Variants in ADAMTS9 observed in about 807,000 individuals in gnomAD.
ADAMTS9 encodes the protein A disintegrin and metalloproteinase with thrombospondin motifs 9.
ADAMTS9 carries 107 observed loss-of-function variants against 257.1 expected under a neutral mutation model. The ratio of observed to expected loss-of-function variants is 0.42; its 90% CI spans 0.36 to 0.49. The LOEUF is 0.49. ADAMTS9 is among the 20% of genes least tolerant of loss of function. The probability of loss-of-function intolerance (pLI) is 0.03; values close to 1 mark genes in which losing one functional copy is unlikely to be tolerated. For missense variants in ADAMTS9, 2,353 were observed against 2,469.1 expected, an observed-to-expected ratio of 0.95 and a Z score of 1.00; for synonymous variants, 982 against 880.9, an observed-to-expected ratio of 1.11 and a Z score of -2.03.
At chr3:64,574,688 G>A (rs2083788865) in intron 28 of ADAMTS9, among the ~76,000 whole-genome samples, 1 of 151,570 alleles carries the variant, frequency 6.6e-6, no homozygotes. Flanking sequence ...CTATGACTGT[G>A]CTACTGCACT....
chr3:64,605,578 G>T (rs1427000843), intron 23 of ADAMTS9, among the ~76,000 whole-genome samples: 3 of 152,246 alleles, frequency 2.0e-5, no homozygotes, highest in Non-Finnish European at 1.5e-5. Flanking sequence ...TGTGAGTTCT[G>T]GGAATAGCCT....
intron 26 of ADAMTS9, among the ~76,000 whole-genome samples, chr3:64,598,887 G>GT (rs2084409761): frequency 6.6e-6 from 1 of 152,098 alleles, no homozygotes; most frequent in African/African-American, 2.4e-5. Flanking sequence ...GTTTTAACCT[G>GT]TGTCCCTATT....
chr3:64,655,765 G>A (rs375266905), intron 5 of ADAMTS9, 27 bp downstream of exon 5: 6 of 1,558,880 alleles, frequency 3.8e-6, no homozygotes, highest in South Asian at 1.2e-5. Context: ...GATACAGATA[G>A]AAGAAAAAAG....
chr3:64,533,184 A>C lies in ADAMTS9; in HGVS notation c.5700T>G (p.Ser1900=), dbSNP rs1559750155. The C allele has an allele frequency of 1.9e-6, 3 of 1,613,906 alleles. No homozygotes were observed. In the East Asian group the frequency reaches 6.7e-5, roughly 36 times the overall value. Residue 1900 remains serine (S), a synonymous_variant, in exon 38 of 40, where the codon TCT becomes TCG. Coordinates refer to ENST00000498707, the MANE Select transcript of ADAMTS9 (RefSeq NM_182920.2). ...RWISQGNYAV[S]DIKKSPDGTR... is the part of the protein sequence containing the mutation. Reference sequence around the variant, plus strand: ...ACCTTACCGGCGACTTCTTGATGTCAGAGACAGCATAATTCCCTTGTGATA... The same window carrying C: ...ACCTTACCGGCGACTTCTTGATGTCCGAGACAGCATAATTCCCTTGTGATA...
At position 64,633,828 on chromosome 3, in the gene ADAMTS9, G is replaced by A; in HGVS notation, c.1908C>T (p.Ser636=). ...YCVGRRMKFK[S]CNTEPCLKQK... The stretch of plus-strand genomic sequence containing the variant: ...GCTTGAGACATGGCTCCGTGTTGCA[G>A]GACTTAAATTTCATTCTACGTCCTA... The change falls in exon 13 of 40, where the codon TCC becomes TCT. Residue 636 remains serine, a synonymous_variant. Coordinates refer to ENST00000498707, the MANE Select transcript of ADAMTS9 (RefSeq NM_182920.2). 1.2e-6 allele frequency: 2 copies of A among 1,613,188 alleles called. No individual in the cohort carries two copies. Among genetic ancestry groups the A allele is most frequent in the South Asian group, 1.1e-5 (1 of 91,016 alleles).
intron 16 of ADAMTS9, among the ~76,000 whole-genome samples, chr3:64,626,089 A>T (rs913313338): frequency 2.6e-5 from 4 of 152,226 alleles, no homozygotes; most frequent in African/African-American, 9.6e-5. Flanking sequence ...CTTCCTCTGT[A>T]TAATGAGTTT....
At chr3:64,626,122 T>A (rs748728946) in intron 16 of ADAMTS9, among the ~76,000 whole-genome samples, 1 of 152,220 alleles carries the variant, frequency 6.6e-6, no homozygotes, top group African/African-American at 2.4e-5. Flanking sequence ...TTATATGGAT[T>A]AAATAAGAAT....
rs183567027 is a variant in ADAMTS9 at position 64,633,727 on chromosome 3, T to C, written c.2009A>G (p.Asn670Ser). 2.4e-5 allele frequency: 39 copies of C among 1,613,724 alleles called. No individual in the cohort carries two copies. Among genetic ancestry groups the C allele is most frequent in the Admixed American group, 1.2e-4 (7 of 59,958 alleles). The change falls in exon 13 of 40, where the codon AAT (asparagine) becomes AGT (serine). Residue 670 changes from asparagine to serine, a missense_variant. Asn to Ser is a conservative substitution (Grantham distance 46). This residue lies in a region of ADAMTS9 where 360 missense variants were observed against 458.1 expected (regional missense o/e 0.79). Transcript: ENST00000498707. Reference sequence around the variant, plus strand: ...ACTGTATTTAGGGACCCAGCGCACATTGGGAAGCAGACCGTTGATGTTAAA... The same window carrying C: ...ACTGTATTTAGGGACCCAGCGCACACTGGGAAGCAGACCGTTGATGTTAAA... The part of the protein sequence containing the change: ...KHFNINGLLP[N>S]VRWVPKYSGI...
Position 64,584,714 on chromosome 3 carries a change from G to A in ADAMTS9, c.4356+9544C>T, listed in dbSNP as rs553614567. On this transcript the variant is annotated intron_variant, in intron 28 of 39. Coordinates refer to ENST00000498707, the MANE Select transcript of ADAMTS9 (RefSeq NM_182920.2). ...AAGATCTCCCTTATCCCCTCATCCT[G>A]AGTCCCCAATTGCCAACATTTCACC... is the stretch of plus-strand genomic sequence containing the variant. Among the ~76,000 whole-genome samples the A allele has an allele frequency of 3.8e-4, 58 of 152,086 alleles. 1 individual carries two copies. The South Asian group carries it at 0.011, about 30-fold the overall frequency.
rs2083607016 is a variant in ADAMTS9, at chr3:64,568,842, A to AT, written c.4357-308dup. 7 of 281,024 alleles carry AT rather than the reference A, an allele frequency of 2.5e-5. No homozygotes were observed. The South Asian group carries it at 3.7e-4, about 15-fold the overall frequency. 17.4% of individuals were successfully genotyped at this position (281,024 alleles called of 1,614,324 possible). A position where few individuals can be genotyped will look rare whatever the true frequency, so the allele number is the denominator to read the frequency against. On this transcript the variant is annotated intron_variant, in intron 28 of 39. Transcript: ENST00000498707. Reference sequence around the variant, plus strand: ...AACCTGAAATTACCATGAAATTCTGATTTTAAGAAGTCCTACTATGAAATA... The same window carrying AT: ...AACCTGAAATTACCATGAAATTCTGATTTTTAAGAAGTCCTACTATGAAATA...
chr3:64,685,893 T>G (rs113102949), intron 2 of ADAMTS9, among the ~76,000 whole-genome samples: 2,267 of 152,214 alleles, frequency 0.015, 43 homozygotes, highest in African/African-American at 0.034. Context: ...TGGACTGCGC[T>G]GCACCCCCAC....
At chr3:64,581,043 G>A (rs761714873) in intron 28 of ADAMTS9, among the ~76,000 whole-genome samples, 4 of 152,140 alleles carry the variant, frequency 2.6e-5, no homozygotes, top group South Asian at 2.1e-4. Context: ...CTGTCCGCAC[G>A]ATAGACATCA....
At chr3:64,618,359 T>C (rs2106852506) in intron 19 of ADAMTS9, among the ~76,000 whole-genome samples, 1 of 152,284 alleles carries the variant, frequency 6.6e-6, no homozygotes, top group African/African-American at 2.4e-5. Context: ...AAGTTAAGTG[T>C]CAAAAAAATA....
At chr3:64,576,676 C>T (rs752351380) in intron 28 of ADAMTS9, among the ~76,000 whole-genome samples, 5 of 152,146 alleles carry the variant, frequency 3.3e-5, no homozygotes, top group African/African-American at 9.7e-5. Context: ...AGGAAGAAAG[C>T]GGATGTGGGA....
At chr3:64,626,846 G>A (rs1340549265) in intron 16 of ADAMTS9, among the ~76,000 whole-genome samples, 1 of 152,170 alleles carries the variant, frequency 6.6e-6, no homozygotes, top group African/African-American at 2.4e-5. Flanking sequence ...CTCTTTCTCA[G>A]TCAGTGTAAA....
At chr3:64,667,347 G>A (rs534895194) in intron 3 of ADAMTS9, among the ~76,000 whole-genome samples, 4 of 152,334 alleles carry the variant, frequency 2.6e-5, no homozygotes, top group African/African-American at 9.6e-5. Flanking sequence ...TACATGTGCT[G>A]AGTCGCATGA....
At chr3:64,546,078 C>T (rs1384621223) in intron 32 of ADAMTS9, among the ~76,000 whole-genome samples, 1 of 152,206 alleles carries the variant, frequency 6.6e-6, no homozygotes, top group Non-Finnish European at 1.5e-5. Flanking sequence ...ATAACTACTC[C>T]TTCTGTAACT....
At chr3:64,613,991 AATC>A (rs1329338978) in intron 21 of ADAMTS9, among the ~76,000 whole-genome samples, 2 of 152,234 alleles carry the variant, frequency 1.3e-5, no homozygotes, top group Admixed American at 1.3e-4. Flanking sequence ...TGCCAAATGT[AATC>A]ATCATTTTAT....
chr3:64,587,487 G>T (rs986428330), intron 28 of ADAMTS9: 4 of 152,126 alleles, frequency 2.6e-5, no homozygotes, highest in African/African-American at 9.7e-5. Flanking sequence ...CAGTTTCCTT[G>T]TCACTTAACC....
Sources: gnomAD v4.1 joint callset for allele counts (sites outside exome capture counted in the v4.1 genomes callset) on GRCh38, gnomAD v4.1.1 for gene constraint, gnomAD v4.1.1 regional missense constraint, MANE v1.5 for transcripts, NCBI Gene and HGNC (gene_info 2026-07-23, HGNC 2026-07-21) for gene names.